The following CDK14 variants were observed in gnomAD, a reference collection of about 807,000 sequenced individuals.
The protein encoded by CDK14 is cyclin-dependent kinase 14.
A neutral mutation model predicts 60.7 loss-of-function variants in CDK14; 34 were observed. The ratio of observed to expected loss-of-function variants is 0.56; its 90% CI spans 0.43 to 0.75. The LOEUF is 0.75. CDK14 is among the 30% of genes least tolerant of loss of function. The pLI, the probability that CDK14 is intolerant of heterozygous loss-of-function variation, is 0.00. For synonymous variants in CDK14, 197 were observed against 203.7 expected, an observed-to-expected ratio of 0.97 and a Z score of 0.28; for missense variants, 482 against 564.1, an observed-to-expected ratio of 0.85 and a Z score of 1.47.
At chr7:91,146,363 GCTAATTTTTGT>G (rs1562924159) in intron 14 of CDK14, among the ~76,000 whole-genome samples, 1 of 152,140 alleles carries the variant, frequency 6.6e-6, no homozygotes, top group Admixed American at 6.5e-5. Flanking sequence ...ACCATGCCTG[GCTAATTTTTGT>G]ATTTTTAGTA....
intron 12 of CDK14, among the ~76,000 whole-genome samples, chr7:91,096,176 C>T (rs1020347111): frequency 6.6e-6 from 1 of 151,214 alleles, no homozygotes; most frequent in African/African-American, 2.4e-5. Context: ...ACCGTTCTCT[C>T]TTCATCCCAG....
At chr7:91,012,167 A>G (rs1796179877) in intron 10 of CDK14, among the ~76,000 whole-genome samples, 1 of 152,154 alleles carries the variant, frequency 6.6e-6, no homozygotes. Context: ...CATTTAGCCT[A>G]GGATAAATTT....
At chr7:91,120,201 A>T (rs544220036) in intron 14 of CDK14, among the ~76,000 whole-genome samples, 1 of 152,274 alleles carries the variant, frequency 6.6e-6, no homozygotes, top group South Asian at 2.1e-4. Context: ...CTCTTTTGAG[A>T]TCCCCTGACC....
At chr7:90,982,221 C>T (rs1795247127) in intron 9 of CDK14, among the ~76,000 whole-genome samples, 1 of 152,158 alleles carries the variant, frequency 6.6e-6, no homozygotes, top group Non-Finnish European at 1.5e-5. Flanking sequence ...GCAATTCTGT[C>T]TGCTGAAAGA....
chr7:91,061,417 A>G (rs754643059), intron 11 of CDK14, among the ~76,000 whole-genome samples: 38 of 152,194 alleles, frequency 2.5e-4, no homozygotes, highest in Non-Finnish European at 5.0e-4. Flanking sequence ...GTCATTCTCC[A>G]TCCAGCTTTG....
At chr7:90,879,294 C>T (rs1438904083) in intron 6 of CDK14, among the ~76,000 whole-genome samples, 1 of 151,910 alleles carries the variant, frequency 6.6e-6, no homozygotes, top group Non-Finnish European at 1.5e-5. Flanking sequence ...TTTTTTTAAC[C>T]TTTTATACCC....
intron 5 of CDK14, among the ~76,000 whole-genome samples, chr7:90,794,621 G>A: frequency 6.6e-6 from 1 of 152,156 alleles, no homozygotes; most frequent in Non-Finnish European, 1.5e-5. Flanking sequence ...AGACCTAATA[G>A]TTATCTCCCT....
intron 5 of CDK14, among the ~76,000 whole-genome samples, chr7:90,810,504 C>T (rs1436737546): frequency 6.6e-6 from 1 of 152,186 alleles, no homozygotes; most frequent in East Asian, 1.9e-4. Context: ...GACAAACCCA[C>T]AGCCAATACC....
chr7:91,137,750 A>G (rs1346538024), intron 14 of CDK14, among the ~76,000 whole-genome samples: 1 of 151,692 alleles, frequency 6.6e-6, no homozygotes, highest in African/African-American at 2.4e-5. Context: ...GGAGTAATAA[A>G]ATTATGAAGT....
chr7:90,963,443 A>G (rs1225075357), intron 9 of CDK14, among the ~76,000 whole-genome samples: 2 of 152,090 alleles, frequency 1.3e-5, no homozygotes, highest in African/African-American at 2.4e-5. Flanking sequence ...ATAGAAGTAC[A>G]TAAACTAGTA....
At chr7:91,116,329 G>T (rs1799610334) in intron 13 of CDK14, among the ~76,000 whole-genome samples, 2 of 152,166 alleles carry the variant, frequency 1.3e-5, no homozygotes, top group South Asian at 4.1e-4. Flanking sequence ...GAAGAGCACT[G>T]AACTGGGAAT....
chr7:90,649,394 CTTCTTTCT>C lies in CDK14; in HGVS notation c.123+45165_123+45172del, dbSNP rs1226736024. Among the ~76,000 whole-genome samples the C allele has an allele frequency of 8.4e-3, 250 of 29,800 alleles. 29 individuals carry two copies. Among genetic ancestry groups the C allele is most frequent in the African/African-American group, 0.025 (214 of 8,456 alleles). The allele number at this position is 29,800 out of a possible 152,430, so 19.5% of individuals were successfully genotyped here. A position where few individuals can be genotyped will look rare whatever the true frequency, so the allele number is the denominator to read the frequency against. On this transcript the variant is annotated intron_variant, in intron 2 of 14. Coordinates refer to ENST00000380050, the MANE Select transcript of CDK14 (RefSeq NM_001287135.2). ...CCTTCCTTCCTTCCTTCCTTCCTTCCTTCTTTCTTTCTTTCTTTCTTTCTTTCCTTCTT... is the reference window on the plus strand; with the variant it reads ...CCTTCCTTCCTTCCTTCCTTCCTTCCTTCTTTCTTTCTTTCTTTCCTTCTT...
chr7:90,999,292 A>G (rs1440725410), intron 10 of CDK14, among the ~76,000 whole-genome samples: 1 of 152,000 alleles, frequency 6.6e-6, no homozygotes, highest in East Asian at 1.9e-4. Context: ...TGAAGCATTA[A>G]AAACCTGTCA....
At chr7:91,188,471 A>G (rs115757367) in intron 14 of CDK14, among the ~76,000 whole-genome samples, 2,100 of 152,298 alleles carry the variant, frequency 0.014, 64 homozygotes, top group African/African-American at 0.047. Context: ...TGAGTTGTCA[A>G]CTTTTTCCCC....
In CDK14 at chr7:91,176,841, C is replaced by G. The variant is rs1244382978; in HGVS notation, c.*29-30324C>G. The stretch of plus-strand genomic sequence containing the variant: ...AATAGCTTACCAACCAAAAAGGGTC[C>G]AGGACCAGATGGATTCACAGCCGAA... On this transcript the variant is annotated intron_variant, in intron 14 of 14. Transcript: ENST00000380050. Among the ~76,000 whole-genome samples the G allele has an allele frequency of 4.6e-5, 7 of 152,138 alleles. No homozygotes were observed. The East Asian group carries it at 1.4e-3, about 29-fold the overall frequency.
intron 14 of CDK14, among the ~76,000 whole-genome samples, chr7:91,140,169 A>C (rs980782241): frequency 3.9e-5 from 6 of 152,254 alleles, no homozygotes; most frequent in African/African-American, 1.4e-4. Context: ...GGTCCTTTTA[A>C]AACCGAGGAT....
chr7:90,797,111 A>G (rs761591148), intron 5 of CDK14, among the ~76,000 whole-genome samples: 2 of 151,826 alleles, frequency 1.3e-5, no homozygotes, highest in Non-Finnish European at 2.9e-5. Context: ...AAGATAAGCC[A>G]CCTCAATTAG....
intron 14 of CDK14, among the ~76,000 whole-genome samples, chr7:91,128,173 G>A (rs918534684): frequency 6.6e-6 from 1 of 152,076 alleles, no homozygotes; most frequent in Non-Finnish European, 1.5e-5. Context: ...CTTAAATATT[G>A]AGACATTTTA....
At chr7:90,703,966 G>A (rs1388176527) in intron 2 of CDK14, among the ~76,000 whole-genome samples, 1 of 152,112 alleles carries the variant, frequency 6.6e-6, no homozygotes, top group African/African-American at 2.4e-5. Context: ...TGCACCTGTG[G>A]TTCCAATTAC....
Sources: allele counts gnomAD v4.1 joint callset (sites outside exome capture counted in the v4.1 genomes callset), GRCh38; gene constraint gnomAD v4.1.1; transcripts MANE v1.5; gene names NCBI Gene and HGNC (gene_info 2026-07-23, HGNC 2026-07-21).